CRYM: variants seen among roughly 807,000 people sequenced by gnomAD.
CRYM encodes the protein crystallin mu, also known as ketimine reductase mu-crystallin.
Under a neutral mutation model 32.9 loss-of-function variants are expected in CRYM, and 18 were observed. The ratio of observed to expected loss-of-function variants is 0.55; its 90% CI spans 0.38 to 0.81. The LOEUF (loss-of-function observed/expected upper bound fraction) is 0.81. CRYM is among the 30% of genes least tolerant of loss of function. The pLI is 0.00. For missense variants in CRYM, 337 were observed against 393.5 expected, an observed-to-expected ratio of 0.86 and a Z score of 1.21; for synonymous variants, 153 against 152.4, an observed-to-expected ratio of 1.00 and a Z score of -0.03.
intron 1 of CRYM, chr16:21,301,286 G>A (rs1033493558): frequency 3.9e-5 from 6 of 152,480 alleles, no homozygotes; most frequent in East Asian, 1.9e-4. Context: ...GGGTCGTCCA[G>A]GAGGGTCGAC....
At chr16:21,292,017 T>C (rs1960669549) in intron 1 of CRYM, among the ~76,000 whole-genome samples, 1 of 152,158 alleles carries the variant, frequency 6.6e-6, no homozygotes. Flanking sequence ...GGATGTCTTC[T>C]TCTAGAAGTT....
chr16:21,283,309 TTAAAA>T (rs754659780), intron 1 of CRYM, among the ~76,000 whole-genome samples: 12 of 152,044 alleles, frequency 7.9e-5, no homozygotes, highest in African/African-American at 2.4e-5. Flanking sequence ...AATGCAATAT[TTAAAA>T]TAAAAATCAA....
chr16:21,300,935 T>A (rs563855254), intron 1 of CRYM: 1 of 152,068 alleles, frequency 6.6e-6, no homozygotes, highest in African/African-American at 2.4e-5. Flanking sequence ...AACGCCGGAG[T>A]GGCTGGCGGG....
chr16:21,288,536 A>G (rs1460761426), intron 1 of CRYM, among the ~76,000 whole-genome samples: 2 of 152,136 alleles, frequency 1.3e-5, no homozygotes, highest in East Asian at 1.9e-4. Flanking sequence ...CAGTCAATAT[A>G]AAGGTCTTTG....
In CRYM at chr16:21,296,807, G is replaced by A. The variant is rs577973083; in HGVS notation, c.-193+6171C>T. On this transcript the variant is annotated intron_variant, in intron 1 of 9. Transcript: ENST00000219599. ...GGGCGGATCATGAGGTCAGGAGATC[G>A]AGACCATCCTGGCTAACACGGTGAA... 4.6e-5 allele frequency among the ~76,000 whole-genome samples: 7 copies of A among 151,124 alleles called. No individual in the cohort carries two copies. In the East Asian group the frequency reaches 8.0e-4, roughly 17 times the overall value.
intron 5 of CRYM, among the ~76,000 whole-genome samples, chr16:21,263,062 G>C (rs1262284549): frequency 3.9e-5 from 6 of 151,978 alleles, no homozygotes; most frequent in Non-Finnish European, 7.4e-5. Context: ...TTTTTGGAGA[G>C]AGGGTCTCAC....
chr16:21,261,249 CT>C lies in CRYM; in HGVS notation c.880+4del. 1 of 1,612,232 alleles carries C rather than the reference CT, an allele frequency of 6.2e-7. No homozygotes were observed. The highest frequency in any genetic ancestry group is 2.2e-5 in the East Asian group (1 of 44,862). On this transcript the variant is annotated splice_donor_region_variant and intron_variant, in intron 7 of 7. Coordinates refer to ENST00000572914, the MANE Select transcript of CRYM (RefSeq NM_001376256.1). Reference sequence around the variant, plus strand: ...GATTTGTGCCCAGGGAGCAATGGATCTTACCCAAAGACTTGAACACGGTGGT... The same window carrying C: ...GATTTGTGCCCAGGGAGCAATGGATCTACCCAAAGACTTGAACACGGTGGT...
chr16:21,302,300 AG>A (rs1372908303), intron 1 of CRYM, among the ~76,000 whole-genome samples: 1 of 152,230 alleles, frequency 6.6e-6, no homozygotes, highest in Non-Finnish European at 1.5e-5. Context: ...ATAAGAGGAA[AG>A]GATGCTATTG....
chr16:21,266,035 A>T (rs1597615143), intron 5 of CRYM, among the ~76,000 whole-genome samples: 1 of 152,076 alleles, frequency 6.6e-6, no homozygotes, highest in Non-Finnish European at 1.5e-5. Context: ...ACCAGCCTGG[A>T]CAATGTGGTG....
At chr16:21,275,628 AC>A (rs764619665) in intron 2 of CRYM, 34 bp from the exon 3 acceptor site, 26 of 1,513,756 alleles carry the variant, frequency 1.7e-5, no homozygotes, top group Non-Finnish European at 2.2e-5. Context: ...AGCAAGGGGA[AC>A]CCCTGTCCAC....
Position 21,277,223 on chromosome 16 carries a change from T to C in CRYM, c.324+208A>G, listed in dbSNP as rs2093388361. On this transcript the variant is annotated intron_variant, in intron 2 of 7. Coordinates refer to ENST00000572914, the MANE Select transcript of CRYM (RefSeq NM_001376256.1). The surrounding 1 kb of genome is among the most constrained non-coding windows in gnomAD (Gnocchi z 4.2). ...CACTGTCACATGCTTGAGGCAGCAGTGGGCGCTGGTGCCGTGTTATGCATC... is the reference window on the plus strand; with the variant it reads ...CACTGTCACATGCTTGAGGCAGCAGCGGGCGCTGGTGCCGTGTTATGCATC... 6.6e-6 allele frequency among the ~76,000 whole-genome samples: 1 copy of C among 152,178 alleles called. No individual in the cohort carries two copies. Among genetic ancestry groups the C allele is most frequent in the Non-Finnish European group, 1.5e-5 (1 of 68,028 alleles).
At chr16:21,265,838 C>G (rs991607499) in intron 5 of CRYM, among the ~76,000 whole-genome samples, 5 of 152,208 alleles carry the variant, frequency 3.3e-5, no homozygotes, top group South Asian at 2.1e-4. Flanking sequence ...AGAATCCAGT[C>G]TTCCTGTTGG....
intron 7 of CRYM, among the ~76,000 whole-genome samples, chr16:21,259,652 TTTC>T (rs749287351): frequency 1.3e-5 from 2 of 152,190 alleles, no homozygotes; most frequent in African/African-American, 4.8e-5. Flanking sequence ...CTAAAAACCA[TTTC>T]TAGCTCATAG....
chr16:21,271,667 T>C (rs930418840), intron 3 of CRYM, among the ~76,000 whole-genome samples: 1 of 152,330 alleles, frequency 6.6e-6, no homozygotes, highest in South Asian at 2.1e-4. Flanking sequence ...TAGATTTTTT[T>C]CCTTAATTGT....
At chr16:21,266,379 A>G (rs8051013) in intron 5 of CRYM, among the ~76,000 whole-genome samples, 1,611 of 152,260 alleles carry the variant, frequency 0.011, 16 homozygotes, top group Middle Eastern at 0.027. Flanking sequence ...ACATAGAATA[A>G]TGTCATTTAA....
rs371731344 is a variant in CRYM, at chr16:21,277,433, C to T, written c.322G>A (p.Ala108Thr). 1.2e-6 allele frequency: 2 copies of T among 1,612,902 alleles called. No individual in the cohort carries two copies. Among genetic ancestry groups the T allele is most frequent in the African/African-American group, 2.7e-5 (2 of 74,878 alleles). The change falls in exon 2 of 8, where the codon GCG becomes ACG. Residue 108 changes from alanine to threonine, a missense_variant and splice_region_variant. By Grantham distance (58) the Ala-to-Thr change is moderately conservative. Coordinates refer to ENST00000572914, the MANE Select transcript of CRYM (RefSeq NM_001376256.1). The surrounding 1 kb of genome is among the most constrained non-coding windows in gnomAD (Gnocchi z 4.2). ...LFEPSNGTLL[A>T]VMDGNVITAK... ...CCCCGGGACAGGAAGTTGCTCACCG[C>T]CAGCAGGGTGCCATTGCTGGGCTCA...
chr16:21,291,252 A>G (rs994197938), intron 1 of CRYM, among the ~76,000 whole-genome samples: 4 of 152,192 alleles, frequency 2.6e-5, no homozygotes, highest in Admixed American at 1.3e-4. Context: ...TGGGATGAGC[A>G]TCAGCAAATA....
chr16:21,290,795 C>A (rs1567240453), intron 1 of CRYM, among the ~76,000 whole-genome samples: 1 of 152,176 alleles, frequency 6.6e-6, no homozygotes, highest in Admixed American at 6.5e-5. Flanking sequence ...GTCCTTTCAA[C>A]TGATGATATA....
chr16:21,276,440 A>G (rs2093386672), intron 2 of CRYM, among the ~76,000 whole-genome samples: 1 of 152,220 alleles, frequency 6.6e-6, no homozygotes, highest in Non-Finnish European at 1.5e-5. Flanking sequence ...CGATCCAGAA[A>G]TTCAGGGGAA....
Sources: allele counts gnomAD v4.1 joint callset (sites outside exome capture counted in the v4.1 genomes callset), GRCh38; gene constraint gnomAD v4.1.1; non-coding constraint Gnocchi (gnomAD v3.1); transcripts MANE v1.5; gene names NCBI Gene and HGNC (gene_info 2026-07-23, HGNC 2026-07-21).